Variants in FEN1 observed in about 807,000 individuals in gnomAD.
The protein encoded by FEN1 is flap structure-specific endonuclease 1.
Under a neutral mutation model 24.7 loss-of-function variants are expected in FEN1, and 19 were observed. That is an observed-to-expected ratio of 0.77 (90% CI 0.54 to 1.13). The LOEUF is 1.13. FEN1 is among the 50% of genes most tolerant of loss of function. The probability of loss-of-function intolerance (pLI) is 0.00; values close to 1 mark genes in which losing one functional copy is unlikely to be tolerated. For missense variants in FEN1, 339 were observed against 488.7 expected, an observed-to-expected ratio of 0.69 and a Z score of 2.89; for synonymous variants, 155 against 189.2, an observed-to-expected ratio of 0.82 and a Z score of 1.48.
At position 61,795,787 on chromosome 11, in the gene FEN1, A is replaced by G. The variant is rs1307529981; in HGVS notation, c.426A>G (p.Lys142=). The change falls in exon 2 of 2, where the codon AAA becomes AAG. Residue 142 remains lysine, a synonymous_variant. Coordinates refer to ENST00000305885, the MANE Select transcript of FEN1 (RefSeq NM_004111.6). This position sits in a 1 kb window ranked among gnomAD's most constrained non-coding sequence, Gnocchi z 4.1. ...KVTKQHNDEC[K]HLLSLMGIPY... is the part of the protein sequence containing the mutation. The stretch of plus-strand genomic sequence containing the variant: ...CTAAGCAGCACAATGATGAGTGCAA[A>G]CATCTGCTGAGCCTCATGGGCATCC... The G allele has an allele frequency of 1.2e-5, 20 of 1,613,862 alleles. No homozygotes were observed. The highest frequency in any genetic ancestry group is 1.7e-5 in the Non-Finnish European group (20 of 1,180,048).
In FEN1 at chr11:61,794,025, A is replaced by G. The variant is rs992692766; in HGVS notation, c.-22+997A>G. Among the ~76,000 whole-genome samples the G allele has an allele frequency of 5.3e-5, 8 of 152,118 alleles. No individual in the cohort carries two copies. In the East Asian group the frequency reaches 1.2e-3, roughly 22 times the overall value. On this transcript the variant is annotated intron_variant, in intron 1 of 1. Coordinates refer to ENST00000305885, the MANE Select transcript of FEN1 (RefSeq NM_004111.6). ...GCCCAGGCTGGAGTGTGGTGGCACA[A>G]TCATAGCTCACTGTAGCCTGGAACT...
Position 61,796,987 on chromosome 11 carries a change from GAGA to G in FEN1, c.*487_*489del, listed in dbSNP as rs939813393. The G allele has an allele frequency of 1.2e-5, 2 of 172,742 alleles. No homozygotes were observed. Among genetic ancestry groups the G allele is most frequent in the Non-Finnish European group, 2.8e-5 (2 of 71,418 alleles). 10.7% of individuals were successfully genotyped at this position (172,742 alleles called of 1,614,324 possible). A position where few individuals can be genotyped will look rare whatever the true frequency, so the allele number is the denominator to read the frequency against. On this transcript the variant is annotated 3_prime_UTR_variant, in exon 2 of 2. Transcript: ENST00000305885. Reference sequence around the variant, plus strand: ...CTTAGCAGATGGGAGGAACTGCTGAGAGAAGATGGGCAGAAAGCTGGAGCCCCT... The same window carrying G: ...CTTAGCAGATGGGAGGAACTGCTGAGAGATGGGCAGAAAGCTGGAGCCCCT...
chr11:61,795,583 G>C lies in FEN1; in HGVS notation c.222G>C (p.Met74Ile). The stretch of plus-strand genomic sequence containing the variant: ...GCATGTTCTACCGCACCATTCGCAT[G>C]ATGGAGAACGGCATCAAGCCCGTGT... ...LMGMFYRTIRMMENGIKPVYV... is the reference protein window; with the variant it reads ...LMGMFYRTIRIMENGIKPVYV... The change falls in exon 2 of 2, where the codon ATG becomes ATC. Residue 74 changes from methionine to isoleucine, a missense_variant. By Grantham distance (10) the Met-to-Ile change is conservative. Transcript: ENST00000305885. The surrounding 1 kb of genome is among the most constrained non-coding windows in gnomAD (Gnocchi z 4.1). 1 of 1,614,238 alleles carries C rather than the reference G, an allele frequency of 6.2e-7. No individual in the cohort carries two copies. Among genetic ancestry groups the C allele is most frequent in the Non-Finnish European group, 8.5e-7 (1 of 1,180,042 alleles).
In FEN1 at chr11:61,795,221, AGTGCTGACATG is replaced by A. The variant is rs1174046208; in HGVS notation, c.-21-116_-21-106del. The A allele has an allele frequency of 3.8e-6, 3 of 780,160 alleles. No individual in the cohort carries two copies. Among genetic ancestry groups the A allele is most frequent in the Non-Finnish European group, 5.9e-6 (3 of 504,862 alleles). 48.3% of individuals were successfully genotyped at this position (780,160 alleles called of 1,614,324 possible). ...CCTTGTTCATCTTTTTATCTTTAGC[AGTGCTGACATG>A]GTGTCCTTTTTGTTGTGTGGAATTT... On this transcript the variant is annotated intron_variant, in intron 1 of 1. Transcript: ENST00000305885. The surrounding 1 kb of genome is among the most constrained non-coding windows in gnomAD (Gnocchi z 4.1).
chr11:61,796,167 C>G lies in FEN1; in HGVS notation c.806C>G (p.Pro269Arg). Reference protein sequence around the residue: ...IVRRLDPNKYPVPENWLHKEA... With the variant: ...IVRRLDPNKYRVPENWLHKEA... The stretch of plus-strand genomic sequence containing the variant: ...CGGCGACTTGACCCCAACAAGTACC[C>G]TGTGCCAGAAAATTGGCTCCACAAG... Residue 269 changes from proline (P) to arginine (R), a missense_variant, in exon 2 of 2, where the codon CCT (proline) becomes CGT (arginine). Pro to Arg is a moderately radical substitution (Grantham distance 103). Around this residue, in one of 3 missense-constraint regions of FEN1, gnomAD observed 70 missense variants for 64.9 expected, o/e 1.08. Coordinates refer to ENST00000305885, the MANE Select transcript of FEN1 (RefSeq NM_004111.6). The G allele has an allele frequency of 6.2e-7, 1 of 1,614,046 alleles. No homozygotes were observed. Among genetic ancestry groups the G allele is most frequent in the East Asian group, 2.2e-5 (1 of 44,880 alleles).
At position 61,796,175 on chromosome 11, in the gene FEN1, GA is replaced by G; in HGVS notation, c.818del (p.Asn273IlefsTer24). On this transcript the variant is annotated frameshift_variant, in exon 2 of 2. Coordinates refer to ENST00000305885, the MANE Select transcript of FEN1 (RefSeq NM_004111.6). LOFTEE classifies it high-confidence loss of function. Reference protein sequence around the residue: ...RLDPNKYPVPENWLHKEAHQL... With the variant: ...RLDPNKYPVPXNWLHKEAHQL... ...TGACCCCAACAAGTACCCTGTGCCA[GA>G]AAATTGGCTCCACAAGGAGGCTCAC... 6.2e-7 allele frequency: 1 copy of G among 1,613,944 alleles called. No homozygotes were observed. The highest frequency in any genetic ancestry group is 8.5e-7 in the Non-Finnish European group (1 of 1,180,034).
Position 61,796,190 on chromosome 11 carries a change from A to G in FEN1, c.829A>G (p.Lys277Glu), listed in dbSNP as rs752485852. 2 of 1,613,628 alleles carry G rather than the reference A, an allele frequency of 1.2e-6. No homozygotes were observed. The highest frequency in any genetic ancestry group is 2.2e-5 in the East Asian group (1 of 44,894). ...CCCTGTGCCAGAAAATTGGCTCCACAAGGAGGCTCACCAGCTCTTCTTGGA... is the reference window on the plus strand; with the variant it reads ...CCCTGTGCCAGAAAATTGGCTCCACGAGGAGGCTCACCAGCTCTTCTTGGA... Reference protein sequence around the residue: ...KYPVPENWLHKEAHQLFLEPE... With the variant: ...KYPVPENWLHEEAHQLFLEPE... The change falls in exon 2 of 2, where the codon AAG becomes GAG. Residue 277 changes from lysine (K) to glutamate (E), a missense_variant. Lys to Glu is a moderately conservative substitution (Grantham distance 56). This residue lies in a region of FEN1 where 70 missense variants were observed against 64.9 expected (regional missense o/e 1.08). Transcript: ENST00000305885.
chr11:61,794,550 T>G (rs1168306758), intron 1 of FEN1, among the ~76,000 whole-genome samples: 18 of 152,198 alleles, frequency 1.2e-4, no homozygotes, highest in Admixed American at 1.2e-3. Flanking sequence ...TGAATGAAAG[T>G]ACGGGTTTTA....
chr11:61,795,654 C>T lies in FEN1; in HGVS notation c.293C>T (p.Ala98Val), dbSNP rs774473787. Residue 98 changes from alanine (A) to valine (V), a missense_variant, in exon 2 of 2, where the codon GCC becomes GTC. By Grantham distance (64) the Ala-to-Val change is moderately conservative (BLOSUM62 0). Around this residue, in one of 3 missense-constraint regions of FEN1, gnomAD observed 216 missense variants for 329.7 expected, o/e 0.66. Coordinates refer to ENST00000305885, the MANE Select transcript of FEN1 (RefSeq NM_004111.6). This position sits in a 1 kb window ranked among gnomAD's most constrained non-coding sequence, Gnocchi z 4.1. ...KPPQLKSGEL[A>V]KRSERRAEAE... ...CCACAGCTCAAGTCAGGCGAGCTGG[C>T]CAAACGCAGTGAGCGGCGGGCTGAG... 1.2e-6 allele frequency: 2 copies of T among 1,614,024 alleles called. No individual in the cohort carries two copies. Among genetic ancestry groups the T allele is most frequent in the East Asian group, 4.5e-5 (2 of 44,890 alleles).
At chr11:61,793,927 G>A (rs1157009834) in intron 1 of FEN1, among the ~76,000 whole-genome samples, 1 of 152,292 alleles carries the variant, frequency 6.6e-6, no homozygotes, top group African/African-American at 2.4e-5. Flanking sequence ...GAAAAGGCCT[G>A]ATGGAGTCTT....
In FEN1 at chr11:61,796,042, C is replaced by T; in HGVS notation, c.681C>T (p.Cys227=). The change falls in exon 2 of 2, where the codon TGC becomes TGT. Residue 227 remains cysteine (C), a synonymous_variant. Transcript: ENST00000305885. ...GLNQEQFVDL[C]ILLGSDYCES... ...ACCAGGAACAGTTTGTGGATCTGTG[C>T]ATCCTGCTAGGCAGTGACTACTGTG... 2 of 1,614,204 alleles carry T rather than the reference C, an allele frequency of 1.2e-6. No individual in the cohort carries two copies. Among genetic ancestry groups the T allele is most frequent in the South Asian group, 1.1e-5 (1 of 91,090 alleles).
Position 61,796,105 on chromosome 11 carries a change from C to T in FEN1, c.744C>T (p.Asp248=). ...IRGIGPKRAV[D]LIQKHKSIEE... ...GTATTGGGCCCAAGCGGGCTGTGGA[C>T]CTCATCCAGAAGCACAAGAGCATCG... Residue 248 remains aspartate (D), a synonymous_variant, in exon 2 of 2, where the codon GAC becomes GAT. Coordinates refer to ENST00000305885, the MANE Select transcript of FEN1 (RefSeq NM_004111.6). 1.9e-6 allele frequency: 3 copies of T among 1,614,158 alleles called. No homozygotes were observed. The highest frequency in any genetic ancestry group is 2.5e-6 in the Non-Finnish European group (3 of 1,180,036).
rs966017104 is a variant in FEN1, at chr11:61,795,081, C to T, written c.-21-260C>T. 2.0e-5 allele frequency among the ~76,000 whole-genome samples: 3 copies of T among 152,140 alleles called. No individual in the cohort carries two copies. Among genetic ancestry groups the T allele is most frequent in the Non-Finnish European group, 2.9e-5 (2 of 68,038 alleles). ...TTTGTGTAATAAATAATGCTGCTAC[C>T]TTAGAATATCAACAGTATCTTATTT... is the stretch of plus-strand genomic sequence containing the variant. On this transcript the variant is annotated intron_variant, in intron 1 of 1. Transcript: ENST00000305885. This position sits in a 1 kb window ranked among gnomAD's most constrained non-coding sequence, Gnocchi z 4.1.
rs1339984994 is a variant in FEN1, at chr11:61,795,988, G to A, written c.627G>A (p.Leu209=). ...AKKLPIQEFH[L]SRILQELGLN... Reference sequence around the variant, plus strand: ...AGCTGCCAATCCAGGAATTCCACCTGAGCCGGATTCTGCAGGAGCTGGGCC... The same window carrying A: ...AGCTGCCAATCCAGGAATTCCACCTAAGCCGGATTCTGCAGGAGCTGGGCC... The change falls in exon 2 of 2, where the codon CTG becomes CTA. Residue 209 remains leucine, a synonymous_variant. Transcript: ENST00000305885. The surrounding 1 kb of genome is among the most constrained non-coding windows in gnomAD (Gnocchi z 4.1). 1.2e-6 allele frequency: 2 copies of A among 1,614,196 alleles called. No homozygotes were observed. The highest frequency in any genetic ancestry group is 1.7e-6 in the Non-Finnish European group (2 of 1,180,042).
chr11:61,796,752 C>T lies in FEN1; in HGVS notation c.*248C>T, dbSNP rs1189116060. 2.0e-6 allele frequency: 1 copy of T among 501,894 alleles called. No homozygotes were observed. Among genetic ancestry groups the T allele is most frequent in the Admixed American group, 3.9e-5 (1 of 25,862 alleles). The allele number at this position is 501,894 out of a possible 1,614,324, so 31.1% of individuals were successfully genotyped here. A position where few individuals can be genotyped will look rare whatever the true frequency, so the allele number is the denominator to read the frequency against. On this transcript the variant is annotated 3_prime_UTR_variant, in exon 2 of 2. Coordinates refer to ENST00000305885, the MANE Select transcript of FEN1 (RefSeq NM_004111.6). ...ACCACTTCTCAGGCAGTTTAATGGA[C>T]ACTAAGTCCATTGTTACATGAAAGT...
Position 61,795,243 on chromosome 11 carries a change from T to G in FEN1, c.-21-98T>G, listed in dbSNP as rs983040559. The G allele has an allele frequency of 2.1e-5, 21 of 1,015,972 alleles. No homozygotes were observed. Among genetic ancestry groups the G allele is most frequent in the Non-Finnish European group, 2.8e-5 (20 of 703,106 alleles). The allele number at this position is 1,015,972 out of a possible 1,614,324, so 62.9% of individuals were successfully genotyped here. On this transcript the variant is annotated intron_variant, in intron 1 of 1. Transcript: ENST00000305885. The surrounding 1 kb of genome is among the most constrained non-coding windows in gnomAD (Gnocchi z 4.1). ...AGCAGTGCTGACATGGTGTCCTTTT[T>G]GTTGTGTGGAATTTAGTTGAAGGCA...
rs1591146004 is a variant in FEN1, at chr11:61,795,222, G to A, written c.-21-119G>A. On this transcript the variant is annotated intron_variant, in intron 1 of 1. Transcript: ENST00000305885. The surrounding 1 kb of genome is among the most constrained non-coding windows in gnomAD (Gnocchi z 4.1). ...CTTGTTCATCTTTTTATCTTTAGCA[G>A]TGCTGACATGGTGTCCTTTTTGTTG... 1.2e-6 allele frequency: 1 copy of A among 820,372 alleles called. No individual in the cohort carries two copies. Among genetic ancestry groups the A allele is most frequent in the Non-Finnish European group, 1.9e-6 (1 of 534,794 alleles). 50.8% of individuals were successfully genotyped at this position (820,372 alleles called of 1,614,324 possible).
rs1424298787 is a variant in FEN1 at position 61,795,649 on chromosome 11, G to T, written c.288G>T (p.Glu96Asp). The T allele has an allele frequency of 6.2e-7, 1 of 1,613,946 alleles. No individual in the cohort carries two copies. The highest frequency in any genetic ancestry group is 1.3e-5 in the African/African-American group (1 of 74,948). ...DGKPPQLKSGELAKRSERRAE... is the reference protein window; with the variant it reads ...DGKPPQLKSGDLAKRSERRAE... ...AGCCGCCACAGCTCAAGTCAGGCGA[G>T]CTGGCCAAACGCAGTGAGCGGCGGG... Residue 96 changes from glutamate (E) to aspartate (D), a missense_variant, in exon 2 of 2, where the codon GAG (glutamate) becomes GAT (aspartate). Transcript: ENST00000305885. This position sits in a 1 kb window ranked among gnomAD's most constrained non-coding sequence, Gnocchi z 4.1.
chr11:61,794,266 T>C (rs1275670532), intron 1 of FEN1, among the ~76,000 whole-genome samples: 1 of 152,118 alleles, frequency 6.6e-6, no homozygotes, highest in East Asian at 1.9e-4. Flanking sequence ...ATTCTCTGCC[T>C]CCTGGGTTCA....
Sources: gnomAD v4.1 joint callset for allele counts (sites outside exome capture counted in the v4.1 genomes callset) on GRCh38, gnomAD v4.1.1 for gene constraint, gnomAD v4.1.1 regional missense constraint, Gnocchi (gnomAD v3.1) non-coding constraint, MANE v1.5 for transcripts, NCBI Gene and HGNC (gene_info 2026-07-23, HGNC 2026-07-21) for gene names.